SULT2B1: variants seen among roughly 807,000 people sequenced by gnomAD.
SULT2B1 encodes sulfotransferase family 2B member 1.
In SULT2B1, 16 loss-of-function variants were observed where a neutral mutation model predicts 33.2. That is an observed-to-expected ratio of 0.48 (90% CI 0.33 to 0.73). SULT2B1 has a LOEUF of 0.73. SULT2B1 is among the 30% of genes least tolerant of loss of function. The probability of loss-of-function intolerance (pLI) is 0.02; values close to 1 mark genes in which losing one functional copy is unlikely to be tolerated. For missense variants in SULT2B1, 500 were observed against 506.0 expected (o/e 0.99, Z 0.11); for synonymous variants, 186 against 200.5 (o/e 0.93, Z 0.61).
chr19:48,568,332 C>A (rs1025509358), intron 1 of SULT2B1, among the ~76,000 whole-genome samples: 4 of 151,440 alleles, frequency 2.6e-5, no homozygotes, highest in Admixed American at 1.3e-4. Flanking sequence ...AGGAGGCCAG[C>A]AGGATGCGGA....
rs757069419 is a variant in SULT2B1 at position 48,576,049 on chromosome 19, C to A, written c.180C>A (p.Asp60Glu). ...SLAENTQDVR[D>E]DDIFIITYPK... ...CGGAGAACACCCAAGATGTGCGGGA[C>A]GACGACATCTTTATCATCACCTACC... Residue 60 changes from aspartate (D) to glutamate (E), a missense_variant, in exon 2 of 7, where the codon GAC becomes GAA. By Grantham distance (45) the Asp-to-Glu change is conservative. Coordinates refer to ENST00000201586, the MANE Select transcript of SULT2B1 (RefSeq NM_177973.2). 6.2e-7 allele frequency: 1 copy of A among 1,613,340 alleles called. No homozygotes were observed. Among genetic ancestry groups the A allele is most frequent in the South Asian group, 1.1e-5 (1 of 91,062 alleles).
At position 48,592,771 on chromosome 19, in the gene SULT2B1, G is replaced by A. The variant is rs16982159; in HGVS notation, c.600G>A (p.Lys200=). The A allele has an allele frequency of 1.6e-5, 26 of 1,596,390 alleles. No individual in the cohort carries two copies. Among genetic ancestry groups the A allele is most frequent in the Middle Eastern group, 1.6e-4 (1 of 6,066 alleles). The stretch of plus-strand genomic sequence containing the variant: ...ACATTAAGGGCTGGCTTCGGATGAA[G>A]GGCAAAGACAACTTCCTATTTATCA... ...FDHIKGWLRM[K]GKDNFLFITY... is the part of the protein sequence containing the mutation. The change falls in exon 5 of 7, where the codon AAG becomes AAA. Residue 200 remains lysine, a synonymous_variant. Coordinates refer to ENST00000201586, the MANE Select transcript of SULT2B1 (RefSeq NM_177973.2).
chr19:48,594,876 A>T (rs1201058046), intron 5 of SULT2B1, among the ~76,000 whole-genome samples: 1 of 140,256 alleles, frequency 7.1e-6, no homozygotes, highest in Non-Finnish European at 1.6e-5. Flanking sequence ...AAAATTAGCC[A>T]GGCATGGTGG....
intron 1 of SULT2B1, among the ~76,000 whole-genome samples, chr19:48,557,655 G>A (rs1383397556): frequency 3.9e-5 from 6 of 152,182 alleles, no homozygotes; most frequent in Admixed American, 2.0e-4. Context: ...GGTGGCTCAC[G>A]CCTGTAATCC....
At chr19:48,567,307 T>C (rs570362194) in intron 1 of SULT2B1, among the ~76,000 whole-genome samples, 3 of 152,242 alleles carry the variant, frequency 2.0e-5, no homozygotes, top group African/African-American at 7.2e-5. Flanking sequence ...CTCACACTTG[T>C]AATCCCAGCA....
At chr19:48,591,505 G>A in intron 3 of SULT2B1, 104 bp from the exon 4 acceptor site, 2 of 1,340,788 alleles carry the variant, frequency 1.5e-6, no homozygotes, top group Non-Finnish European at 2.0e-6. Flanking sequence ...AGTCCTTCCT[G>A]CTTCAGGGTC....
chr19:48,598,291 A>G (rs12462337), intron 6 of SULT2B1, among the ~76,000 whole-genome samples: 19,379 of 152,058 alleles, frequency 0.13, 1,490 homozygotes, highest in Admixed American at 0.22. Flanking sequence ...TAGCCCCACA[A>G]TGAGAAAACT....
At chr19:48,596,594 C>A in intron 5 of SULT2B1, 145 bp from the exon 6 acceptor site, 1 of 829,650 alleles carries the variant, frequency 1.2e-6, no homozygotes, top group Middle Eastern at 3.7e-4. Context: ...CCCAACCCCT[C>A]AGTTTGGAGT....
At chr19:48,562,212 C>A (rs1973191498) in intron 1 of SULT2B1, among the ~76,000 whole-genome samples, 1 of 152,098 alleles carries the variant, frequency 6.6e-6, no homozygotes, top group South Asian at 2.1e-4. Context: ...CATGGTAAAA[C>A]CCCGTTTCTA....
At chr19:48,584,599 T>A (rs1973539202) in intron 2 of SULT2B1, among the ~76,000 whole-genome samples, 1 of 152,172 alleles carries the variant, frequency 6.6e-6, no homozygotes. Flanking sequence ...ACAAGGTGGT[T>A]GTTAGAATGA....
chr19:48,588,862 A>G (rs1489725282), intron 3 of SULT2B1, among the ~76,000 whole-genome samples: 1 of 152,266 alleles, frequency 6.6e-6, no homozygotes, highest in East Asian at 1.9e-4. Flanking sequence ...TCTGAGGTGC[A>G]AGAGGGAGGT....
chr19:48,596,442 A>C (rs1973715214), intron 5 of SULT2B1: 3 of 147,230 alleles, frequency 2.0e-5, no homozygotes, highest in Non-Finnish European at 2.4e-5. Flanking sequence ...CCCCACTGTG[A>C]CCTCTGCCCC....
intron 3 of SULT2B1, among the ~76,000 whole-genome samples, chr19:48,587,897 A>C (rs1430941064): frequency 5.6e-4 from 8 of 14,338 alleles, no homozygotes; most frequent in Admixed American, 4.0e-3. Context: ...TCTCAAAAAA[A>C]AAAAAAAAAA....
chr19:48,563,786 G>A (rs529258734), intron 1 of SULT2B1, among the ~76,000 whole-genome samples: 7 of 151,966 alleles, frequency 4.6e-5, no homozygotes, highest in Admixed American at 3.3e-4. Context: ...CCAACATGGC[G>A]AAACCGCATC....
intron 4 of SULT2B1, 139 bp downstream of exon 4, chr19:48,591,874 C>G: frequency 1.0e-6 from 1 of 970,438 alleles, no homozygotes; most frequent in Non-Finnish European, 1.3e-6. Flanking sequence ...AGACAGAGAG[C>G]AGGTGGCCAG....
At chr19:48,573,709 CA>C (rs1301833235) in intron 1 of SULT2B1, among the ~76,000 whole-genome samples, 2 of 152,084 alleles carry the variant, frequency 1.3e-5, no homozygotes, top group African/African-American at 4.8e-5. Context: ...GCTGAGAGGC[CA>C]CCACAGCTTG....
chr19:48,575,880 T>C (rs370981984), intron 1 of SULT2B1, 61 bp from the exon 2 acceptor site: 1 of 1,567,036 alleles, frequency 6.4e-7, no homozygotes, highest in African/African-American at 1.4e-5. Flanking sequence ...GTCGCCACCC[T>C]GAGAACTCCA....
At chr19:48,593,722 A>C (rs59322483) in intron 5 of SULT2B1, among the ~76,000 whole-genome samples, 5 of 149,204 alleles carry the variant, frequency 3.4e-5, no homozygotes, top group South Asian at 2.2e-4. Context: ...GCAACCTCCA[A>C]CTCCCACGTT....
In SULT2B1 at chr19:48,576,083, G is replaced by C; in HGVS notation, c.214G>C (p.Gly72Arg). Reference protein sequence around the residue: ...DIFIITYPKSGTTWMIEIICL... With the variant: ...DIFIITYPKSRTTWMIEIICL... ...CTTTATCATCACCTACCCCAAGTCA[G>C]GTACCTGCCGGGCTGCGGGCGTCGG... Residue 72 changes from glycine to arginine, a missense_variant and splice_region_variant, in exon 2 of 7, where the codon GGC (glycine) becomes CGC (arginine). By Grantham distance (125) the Gly-to-Arg change is moderately radical. Coordinates refer to ENST00000201586, the MANE Select transcript of SULT2B1 (RefSeq NM_177973.2). The C allele has an allele frequency of 1.2e-6, 2 of 1,607,976 alleles. No individual in the cohort carries two copies. The highest frequency in any genetic ancestry group is 1.7e-6 in the Non-Finnish European group (2 of 1,177,032).
Sources: gnomAD v4.1 joint callset for allele counts (sites outside exome capture counted in the v4.1 genomes callset) on GRCh38, gnomAD v4.1.1 for gene constraint, MANE v1.5 for transcripts, NCBI Gene and HGNC (gene_info 2026-07-23, HGNC 2026-07-21) for gene names.